Variants in PPIP5K1 observed in about 807,000 individuals in gnomAD.
The protein encoded by PPIP5K1 is diphosphoinositol pentakisphosphate kinase 1.
In PPIP5K1, 6 loss-of-function variants were observed where a neutral mutation model predicts 27.7. The observed-to-expected ratio is 0.22, with a 90% CI of 0.12 to 0.43. PPIP5K1 has a LOEUF of 0.43. Ranked by LOEUF, PPIP5K1 falls within the 20% of genes least tolerant of loss-of-function variation. The pLI is 1.00. For synonymous variants in PPIP5K1, 145 were observed against 242.6 expected (o/e 0.60, Z 3.74); for missense variants, 394 against 635.4 (o/e 0.62, Z 4.08).
chr15:43,553,101 C>T (rs1014842073), intron 30 of PPIP5K1, among the ~76,000 whole-genome samples: 1 of 152,162 alleles, frequency 6.6e-6, no homozygotes, highest in East Asian at 1.9e-4. Flanking sequence ...CCAGTTTTCT[C>T]TTCTGTTATT....
At chr15:43,542,561 G>C (rs565107729) in intron 30 of PPIP5K1, among the ~76,000 whole-genome samples, 1 of 151,644 alleles carries the variant, frequency 6.6e-6, no homozygotes, top group African/African-American at 2.4e-5. Flanking sequence ...AAAGTGCTGG[G>C]ATTACAGGTG....
chr15:43,539,611 G>T, intron 30 of PPIP5K1, 28 bp from the exon 31 acceptor site: 1 of 1,417,238 alleles, frequency 7.1e-7, no homozygotes, highest in Non-Finnish European at 9.8e-7. Context: ...TGAAGGGAGA[G>T]GGAAGAAAAA....
chr15:43,552,266 A>T (rs772902439), intron 30 of PPIP5K1, among the ~76,000 whole-genome samples: 179 of 152,166 alleles, frequency 1.2e-3, no homozygotes, highest in Middle Eastern at 3.4e-3. Context: ...TTCTTTTTTT[A>T]AATTTAAATA....
At position 43,558,883 on chromosome 15, in the gene PPIP5K1, C is replaced by T. The variant is rs377454053; in HGVS notation, c.3468G>A (p.Leu1156=). 34 of 1,613,858 alleles carry T rather than the reference C, an allele frequency of 2.1e-5. No homozygotes were observed. The highest frequency in any genetic ancestry group is 2.7e-5 in the Non-Finnish European group (32 of 1,180,024). ...MVPTIYPLET[L]HNALSLRQVS... ...CTTGACGTAGGGAAAGGGCATTATG[C>T]AGTGTTTCCAGAGGGTAGATGGTAG... The change falls in exon 30 of 32, where the codon CTG becomes CTA. Residue 1156 remains leucine (L), a synonymous_variant. Transcript: ENST00000420765.
At chr15:43,580,386 G>A (rs11857347) in intron 10 of PPIP5K1, among the ~76,000 whole-genome samples, 1,051 of 69,080 alleles carry the variant, frequency 0.015, 4 homozygotes, top group Non-Finnish European at 0.021. Context: ...ATTACGTGAC[G>A]AATTTCTTGG....
chr15:43,552,668 G>A (rs888516752), intron 30 of PPIP5K1, among the ~76,000 whole-genome samples: 7 of 149,596 alleles, frequency 4.7e-5, no homozygotes, highest in African/African-American at 1.5e-4. Flanking sequence ...ACCACTGCAC[G>A]CCAGCCTGGG....
At chr15:43,542,397 T>C (rs899362797) in intron 30 of PPIP5K1, among the ~76,000 whole-genome samples, 1 of 151,338 alleles carries the variant, frequency 6.6e-6, no homozygotes, top group Non-Finnish European at 1.5e-5. Context: ...GTTCAAGCGA[T>C]CCTCCAACCT....
chr15:43,542,647 A>AGT (rs56361192), intron 30 of PPIP5K1, among the ~76,000 whole-genome samples: 31,322 of 120,690 alleles, frequency 0.26, 4,461 homozygotes, highest in Non-Finnish European at 0.33. Context: ...ATATATATTC[A>AGT]GTGTGTGTGT....
rs1190614064 is a variant in PPIP5K1, at chr15:43,543,970, C to G, written c.3557-4387G>C. 3.3e-5 allele frequency among the ~76,000 whole-genome samples: 5 copies of G among 151,836 alleles called. No individual in the cohort carries two copies. The South Asian group carries it at 8.3e-4, about 25-fold the overall frequency. On this transcript the variant is annotated intron_variant, in intron 30 of 31. Transcript: ENST00000420765. The stretch of plus-strand genomic sequence containing the variant: ...TAAAGTTATTGAAAAATTATTTTAC[C>G]CATGTGGTTATGTTACTATTTTGAT...
Position 43,534,961 on chromosome 15 carries a change from A to G in PPIP5K1, c.4186T>C (p.Cys1396Arg). 1 of 1,614,164 alleles carries G rather than the reference A, an allele frequency of 6.2e-7. No individual in the cohort carries two copies. The highest frequency in any genetic ancestry group is 8.5e-7 in the Non-Finnish European group (1 of 1,180,034). Reference sequence around the variant, plus strand: ...CCAACCTCCACAGAGACCCCCTGGCATGGCTGGCTGACCTCCTCGGAGTTC... The same window carrying G: ...CCAACCTCCACAGAGACCCCCTGGCGTGGCTGGCTGACCTCCTCGGAGTTC... ...LENSEEVSQP[C>R]QGVSVEVGKL... is the part of the protein sequence containing the mutation. The change falls in exon 32 of 32, where the codon TGC (cysteine) becomes CGC (arginine). Residue 1396 changes from cysteine (C) to arginine (R), a missense_variant. Physicochemically the swap from Cys to Arg is radical, Grantham distance 180 (BLOSUM62 -3). This residue lies in a region of PPIP5K1 where 379 missense variants were observed against 423.9 expected (regional missense o/e 0.89). Coordinates refer to ENST00000420765, the MANE Select transcript of PPIP5K1 (RefSeq NM_001394395.1).
At chr15:43,579,663 T>A (rs1162043447) in intron 10 of PPIP5K1, among the ~76,000 whole-genome samples, 2 of 47,540 alleles carry the variant, frequency 4.2e-5, no homozygotes, top group African/African-American at 5.1e-4. Context: ...ATTTTTTTTT[T>A]TTTTTTTTTT....
intron 31 of PPIP5K1, among the ~76,000 whole-genome samples, chr15:43,538,426 A>G (rs2140350902): frequency 6.6e-6 from 1 of 152,374 alleles, no homozygotes; most frequent in Non-Finnish European, 1.5e-5. Context: ...AGATGGGAAA[A>G]AGCAGCATCT....
intron 30 of PPIP5K1, among the ~76,000 whole-genome samples, chr15:43,542,306 G>C (rs557396366): frequency 6.6e-6 from 1 of 151,350 alleles, no homozygotes; most frequent in Non-Finnish European, 1.5e-5. Flanking sequence ...TTTGGCGGGG[G>C]GGGGGGGCAG....
chr15:43,552,342 C>A (rs2082311463), intron 30 of PPIP5K1, among the ~76,000 whole-genome samples: 2 of 151,926 alleles, frequency 1.3e-5, no homozygotes, highest in African/African-American at 4.8e-5. Flanking sequence ...GGCATGTTTT[C>A]ATTTTCATTC....
Position 43,558,933 on chromosome 15 carries a change from C to A in PPIP5K1, c.3419-1G>T. ...GGCACCATGGAACACCCTTCAAACC[C>A]TGTTTGAAAAGAGATGGGCAAAGTC... On this transcript the variant is annotated splice_acceptor_variant, in intron 29 of 31. Transcript: ENST00000420765. LOFTEE classifies it high-confidence loss of function. 1 of 1,613,248 alleles carries A rather than the reference C, an allele frequency of 6.2e-7. No homozygotes were observed. The highest frequency in any genetic ancestry group is 8.5e-7 in the Non-Finnish European group (1 of 1,179,984).
At chr15:43,558,694 G>A (rs1450688917) in intron 30 of PPIP5K1, 101 bp downstream of exon 30, 1 of 1,477,210 alleles carries the variant, frequency 6.8e-7, no homozygotes, top group Admixed American at 1.9e-5. Flanking sequence ...TTGTGTCTTT[G>A]TGGATTGCCT....
chr15:43,558,519 C>A (rs1402201390), intron 30 of PPIP5K1, among the ~76,000 whole-genome samples: 1 of 152,168 alleles, frequency 6.6e-6, no homozygotes, highest in East Asian at 1.9e-4. Flanking sequence ...AGCCACTGCG[C>A]CCGGCCTTAT....
intron 30 of PPIP5K1, among the ~76,000 whole-genome samples, chr15:43,549,903 C>G (rs1254441747): frequency 6.6e-6 from 1 of 152,120 alleles, no homozygotes; most frequent in Non-Finnish European, 1.5e-5. Flanking sequence ...CACAGGAGGT[C>G]AAGGCTGCAG....
Position 43,535,054 on chromosome 15 carries a change from G to A in PPIP5K1, c.4093C>T (p.Gln1365Ter). ...HTCQEVPHIS[Q>*]PCQKSSQLCQ... ...AGTTGGCTGGACTTCTGGCATGGCTGGCTGATGTGAGGGACCTCCTGGCAT... is the reference window on the plus strand; with the variant it reads ...AGTTGGCTGGACTTCTGGCATGGCTAGCTGATGTGAGGGACCTCCTGGCAT... The change falls in exon 32 of 32, where the codon CAG becomes TAG. Residue 1365 changes from glutamine (Q) to a stop codon, truncating the protein, a stop_gained. Transcript: ENST00000420765. LOFTEE classifies it low-confidence loss of function (END_TRUNC). The A allele has an allele frequency of 6.2e-7, 1 of 1,613,596 alleles. No individual in the cohort carries two copies. Among genetic ancestry groups the A allele is most frequent in the Non-Finnish European group, 8.5e-7 (1 of 1,179,890 alleles).
Sources: gnomAD v4.1 joint callset for allele counts (sites outside exome capture counted in the v4.1 genomes callset) on GRCh38, gnomAD v4.1.1 for gene constraint, gnomAD v4.1.1 regional missense constraint, MANE v1.5 for transcripts, NCBI Gene and HGNC (gene_info 2026-07-23, HGNC 2026-07-21) for gene names.